PIGA: variants seen among roughly 807,000 people sequenced by gnomAD.
The protein encoded by PIGA is phosphatidylinositol glycan anchor biosynthesis class A.
PIGA carries 3 observed loss-of-function variants against 17.1 expected under a neutral mutation model. The observed-to-expected ratio is 0.18, with a 90% CI of 0.08 to 0.45. PIGA has a LOEUF of 0.45. Among genes scored for constraint, PIGA ranks in the 20% least tolerant of loss-of-function variants. The pLI is 0.99. For missense variants in PIGA, 231 were observed against 374.1 expected, an observed-to-expected ratio of 0.62 and a Z score of 3.16; for synonymous variants, 126 against 135.1, an observed-to-expected ratio of 0.93 and a Z score of 0.47.
intron 1 of PIGA, 71 bp from the exon 2 acceptor site, chrX:15,332,063 T>C: frequency 1.4e-6 from 1 of 697,987 alleles, no homozygotes. Flanking sequence ...CAGATATAGA[T>C]ATTGTTTTAA....
chrX:15,319,739 AAAT>A lies in PIGA; in HGVS notation c.*1764_*1766del, dbSNP rs1326070957. On this transcript the variant is annotated 3_prime_UTR_variant, in exon 6 of 6. Transcript: ENST00000333590. ...TACTTCCATTTGTTAAAAAAAAGAA[AAAT>A]AATAATTTGCAAATCACATGTTTTA... 1 of 112,268 alleles carries A rather than the reference AAAT, an allele frequency of 8.9e-6. No individual in the cohort carries two copies. The allele number at this position is 112,268 out of a possible 1,213,427, so 9.3% of individuals were successfully genotyped here. A position where few individuals can be genotyped will look rare whatever the true frequency, so the allele number is the denominator to read the frequency against.
In PIGA at chrX:15,323,523, C is replaced by T. The variant is rs184399908; in HGVS notation, c.1188+1142G>A. On this transcript the variant is annotated intron_variant, in intron 5 of 5. Coordinates refer to ENST00000333590, the MANE Select transcript of PIGA (RefSeq NM_002641.4). Reference sequence around the variant, plus strand: ...AGGTAAGCACTAGACTCCAACTTTCCATGTTTCATATGGGAGAGATAGTAC... The same window carrying T: ...AGGTAAGCACTAGACTCCAACTTTCTATGTTTCATATGGGAGAGATAGTAC... Among the ~76,000 whole-genome samples, 61 of 111,117 alleles carry T rather than the reference C, an allele frequency of 5.5e-4. 1 individual carries two copies. The highest frequency in any genetic ancestry group is 1.2e-3 in the South Asian group (3 of 2,596).
intron 2 of PIGA, chrX:15,327,124 TGGCG>T (rs1922000121): frequency 9.2e-6 from 1 of 109,200 alleles, no homozygotes; most frequent in Non-Finnish European, 1.9e-5. Context: ...CCGGGCGTAG[TGGCG>T]GGCGCCTGTA....
chrX:15,319,640 C>T lies in PIGA; in HGVS notation c.*1866G>A, dbSNP rs1186789172. On this transcript the variant is annotated 3_prime_UTR_variant, in exon 6 of 6. Coordinates refer to ENST00000333590, the MANE Select transcript of PIGA (RefSeq NM_002641.4). ...GGTAGAGCAATGTGTTTCCATATAC[C>T]GACCAGTGCAAACTGACAGTTACAA... 4.5e-5 allele frequency: 5 copies of T among 111,182 alleles called. No individual in the cohort carries two copies. Among genetic ancestry groups the T allele is most frequent in the Non-Finnish European group, 7.5e-5 (4 of 53,044 alleles). The allele number at this position is 111,182 out of a possible 1,213,427, so 9.2% of individuals were successfully genotyped here. A position where few individuals can be genotyped will look rare whatever the true frequency, so the allele number is the denominator to read the frequency against.
In PIGA at chrX:15,324,943, C is replaced by T. The variant is rs1569178342; in HGVS notation, c.982-72G>A. The T allele has an allele frequency of 2.6e-6, 3 of 1,149,307 alleles. No individual in the cohort carries two copies. The Admixed American group carries it at 7.3e-5, about 28-fold the overall frequency. 94.7% of individuals were successfully genotyped at this position (1,149,307 alleles called of 1,213,427 possible). A position where few individuals can be genotyped will look rare whatever the true frequency, so the allele number is the denominator to read the frequency against. On this transcript the variant is annotated intron_variant, in intron 4 of 5. Transcript: ENST00000333590. ...GGAAGATCAACAAAACCAGTTAAAA[C>T]ATTATTATGGAATGTGTCTCATTAT... is the stretch of plus-strand genomic sequence containing the variant.
chrX:15,335,490 C>T lies in PIGA; in HGVS notation c.-63+11G>A. On this transcript the variant is annotated intron_variant, in intron 1 of 5. Transcript: ENST00000333590. ...AGAGCGCTGGAGAGGGGCGGCGCGA[C>T]GCGCACTCACCGGTGAGTTCCATGG... 3 of 984,866 alleles carry T rather than the reference C, an allele frequency of 3.0e-6. No homozygotes were observed. Among genetic ancestry groups the T allele is most frequent in the Non-Finnish European group, 2.6e-6 (2 of 780,942 alleles). The allele number at this position is 984,866 out of a possible 1,213,427, so 81.2% of individuals were successfully genotyped here. A position where few individuals can be genotyped will look rare whatever the true frequency, so the allele number is the denominator to read the frequency against.
chrX:15,326,332 T>C, intron 2 of PIGA: 1 of 148,652 alleles, frequency 6.7e-6, no homozygotes, highest in Non-Finnish European at 1.3e-5. Context: ...AGTTATTCAC[T>C]TGTGTTTATA....
chrX:15,326,294 C>T (rs1021379444), intron 2 of PIGA: 3 of 203,351 alleles, frequency 1.5e-5, no homozygotes, highest in Non-Finnish European at 2.7e-5. Flanking sequence ...ATGGACTATT[C>T]TGTTTCATCT....
Position 15,321,363 on chromosome X carries a change from C to T in PIGA, c.*143G>A, listed in dbSNP as rs1034721128. ...TGCATACATTTTTATCTTTCCTCAACAGAAAATATTGAATGATATAGAGGT... is the reference window on the plus strand; with the variant it reads ...TGCATACATTTTTATCTTTCCTCAATAGAAAATATTGAATGATATAGAGGT... On this transcript the variant is annotated 3_prime_UTR_variant, in exon 6 of 6. Transcript: ENST00000333590. 8.4e-6 allele frequency: 4 copies of T among 475,823 alleles called. No homozygotes were observed. The highest frequency in any genetic ancestry group is 1.4e-5 in the Non-Finnish European group (4 of 279,427). 39.2% of individuals were successfully genotyped at this position (475,823 alleles called of 1,213,427 possible).
chrX:15,327,097 A>G (rs1434354918), intron 2 of PIGA: 1 of 110,379 alleles, frequency 9.1e-6, no homozygotes, highest in Non-Finnish European at 1.9e-5. Flanking sequence ...GTCTCTACTA[A>G]AAATACAAAA....
rs1380681263 is a variant in PIGA, at chrX:15,320,181, ATGT to A, written c.*1322_*1324del. The stretch of plus-strand genomic sequence containing the variant: ...TTTTAAAAAGTAATAAATTTTGTGA[ATGT>A]TGTCATTTTTAAAAATCCTATACAG... On this transcript the variant is annotated 3_prime_UTR_variant, in exon 6 of 6. Coordinates refer to ENST00000333590, the MANE Select transcript of PIGA (RefSeq NM_002641.4). The A allele has an allele frequency of 8.9e-6, 1 of 112,809 alleles. No individual in the cohort carries two copies. Among genetic ancestry groups the A allele is most frequent in the Non-Finnish European group, 1.9e-5 (1 of 53,398 alleles). The allele number at this position is 112,809 out of a possible 1,213,427, so 9.3% of individuals were successfully genotyped here.
At chrX:15,325,223 C>A in intron 3 of PIGA, 71 bp from the exon 4 acceptor site, 1 of 974,751 alleles carries the variant, frequency 1.0e-6, no homozygotes, top group Non-Finnish European at 1.4e-6. Flanking sequence ...ATTTATAAAC[C>A]AAGTCTGCTA....
rs1192336295 is a variant in PIGA at position 15,319,542 on chromosome X, CA to C, written c.*1963del. 1 of 111,839 alleles carries C rather than the reference CA, an allele frequency of 8.9e-6. No homozygotes were observed. The highest frequency in any genetic ancestry group is 2.8e-4 in the East Asian group (1 of 3,604). 9.2% of individuals were successfully genotyped at this position (111,839 alleles called of 1,213,427 possible). A position where few individuals can be genotyped will look rare whatever the true frequency, so the allele number is the denominator to read the frequency against. On this transcript the variant is annotated 3_prime_UTR_variant, in exon 6 of 6. Transcript: ENST00000333590. ...TTTCATAGGCAACCTTTTGAAACAT[CA>C]AAAGAAATACAATATATTTTTCACA... is the stretch of plus-strand genomic sequence containing the variant.
intron 1 of PIGA, among the ~76,000 whole-genome samples, chrX:15,334,816 CT>C (rs1345654708): frequency 4.4e-5 from 5 of 112,381 alleles, no homozygotes. Flanking sequence ...GTTCATTATG[CT>C]GCACAATCGC....
In PIGA at chrX:15,321,463, G is replaced by C; in HGVS notation, c.*43C>G. Reference sequence around the variant, plus strand: ...AAGGTTATTTTCCATAGTCTTTATAGAACTATTACAAATGTTTAAAATCTT... The same window carrying C: ...AAGGTTATTTTCCATAGTCTTTATACAACTATTACAAATGTTTAAAATCTT... On this transcript the variant is annotated 3_prime_UTR_variant, in exon 6 of 6. Transcript: ENST00000333590. 1 of 1,119,195 alleles carries C rather than the reference G, an allele frequency of 8.9e-7. No individual in the cohort carries two copies. Among genetic ancestry groups the C allele is most frequent in the Non-Finnish European group, 1.2e-6 (1 of 820,306 alleles). The allele number at this position is 1,119,195 out of a possible 1,213,427, so 92.2% of individuals were successfully genotyped here.
chrX:15,335,470 G>A, intron 1 of PIGA, 31 bp downstream of exon 1: 1 of 989,529 alleles, frequency 1.0e-6, no homozygotes, highest in Non-Finnish European at 1.3e-6. Flanking sequence ...GGCCCAGAGC[G>A]CTGGAGAGGG....
chrX:15,324,105 T>C (rs923113157), intron 5 of PIGA, among the ~76,000 whole-genome samples: 2 of 112,537 alleles, frequency 1.8e-5, no homozygotes, highest in Non-Finnish European at 3.8e-5. Flanking sequence ...TGCTGCTTTT[T>C]ATTTGTGATT....
At chrX:15,327,558 G>T (rs5935955) in intron 2 of PIGA, 4 of 110,694 alleles carry the variant, frequency 3.6e-5, no homozygotes, top group African/African-American at 1.3e-4. Flanking sequence ...CAGCTTTTCT[G>T]AATATGAAGG....
chrX:15,331,169 T>C (rs1922142358), intron 2 of PIGA, 47 bp downstream of exon 2: 1 of 941,400 alleles, frequency 1.1e-6, no homozygotes, highest in East Asian at 3.1e-5. Flanking sequence ...AACAGCTTTC[T>C]ATAGGGAAAA....
Sources: gnomAD v4.1 joint callset for allele counts (sites outside exome capture counted in the v4.1 genomes callset) on GRCh38, gnomAD v4.1.1 for gene constraint, MANE v1.5 for transcripts, NCBI Gene and HGNC (gene_info 2026-07-23, HGNC 2026-07-21) for gene names.